TOX3: variants seen among roughly 807,000 people sequenced by gnomAD.
TOX3 encodes the protein TOX high mobility group box family member 3.
TOX3 carries 22 observed loss-of-function variants against 64.3 expected under a neutral mutation model. The ratio of observed to expected loss-of-function variants is 0.34; its 90% CI spans 0.24 to 0.49. TOX3 has a LOEUF of 0.49. Ranked by LOEUF, TOX3 falls within the 20% of genes least tolerant of loss-of-function variation. TOX3 has a pLI of 0.99. For missense variants in TOX3, 661 were observed against 714.4 expected (o/e 0.93, Z 0.85); for synonymous variants, 291 against 273.6 (o/e 1.06, Z -0.63).
At chr16:52,543,996 C>A (rs978986784) in intron 1 of TOX3, among the ~76,000 whole-genome samples, 1 of 152,142 alleles carries the variant, frequency 6.6e-6, no homozygotes, top group Non-Finnish European at 1.5e-5. Context: ...CTTGTTAAGC[C>A]TAGAGCCAAG....
chr16:52,462,501 T>C (rs557392793), intron 3 of TOX3, among the ~76,000 whole-genome samples: 1 of 152,126 alleles, frequency 6.6e-6, no homozygotes, highest in Non-Finnish European at 1.5e-5. Context: ...AGGCAGATTC[T>C]TATATTATTA....
intron 1 of TOX3, among the ~76,000 whole-genome samples, chr16:52,508,456 A>G (rs745413208): frequency 6.6e-6 from 1 of 152,232 alleles, no homozygotes; most frequent in Non-Finnish European, 1.5e-5. Flanking sequence ...AATACTGTAC[A>G]GTGGCAAACC....
chr16:52,532,383 C>G (rs1962870354), intron 1 of TOX3, among the ~76,000 whole-genome samples: 1 of 152,150 alleles, frequency 6.6e-6, no homozygotes. Flanking sequence ...TTCCTGCTGT[C>G]CGAAATACTG....
Position 52,437,718 on chromosome 16 carries a change from T to C in TOX3, c.*1507A>G, listed in dbSNP as rs1424902864. Among the ~76,000 whole-genome samples, 2 of 146,064 alleles carry C rather than the reference T, an allele frequency of 1.4e-5. No homozygotes were observed. The highest frequency in any genetic ancestry group is 7.1e-5 in the Admixed American group (1 of 14,118). On this transcript the variant is annotated 3_prime_UTR_variant, in exon 7 of 7. Coordinates refer to ENST00000219746, the MANE Select transcript of TOX3 (RefSeq NM_001080430.4). Reference sequence around the variant, plus strand: ...TATTTTAATCGCAATAACATTACAATACCCAGCTAGTTCTAGCCCCCTCAA... The same window carrying C: ...TATTTTAATCGCAATAACATTACAACACCCAGCTAGTTCTAGCCCCCTCAA...
At chr16:52,475,122 G>T (rs1485326947) in intron 1 of TOX3, among the ~76,000 whole-genome samples, 1 of 152,044 alleles carries the variant, frequency 6.6e-6, no homozygotes, top group Non-Finnish European at 1.5e-5. Flanking sequence ...TCTTCCCCAA[G>T]TCTACTTTTT....
At chr16:52,498,306 A>G (rs1000864015) in intron 1 of TOX3, among the ~76,000 whole-genome samples, 2 of 151,914 alleles carry the variant, frequency 1.3e-5, no homozygotes, top group African/African-American at 4.8e-5. Context: ...CCGCTTTTCT[A>G]TTATTGCCTA....
At position 52,450,542 on chromosome 16, in the gene TOX3, T is replaced by C; in HGVS notation, c.413A>G (p.Gln138Arg). 1 of 1,613,860 alleles carries C rather than the reference T, an allele frequency of 6.2e-7. No individual in the cohort carries two copies. Among genetic ancestry groups the C allele is most frequent in the Non-Finnish European group, 8.5e-7 (1 of 1,179,732 alleles). ...GTACTGGGACACTTGTGTGTGGCTCTGATCCTAGAAAGGCAGCAACAAAGG... is the reference window on the plus strand; with the variant it reads ...GTACTGGGACACTTGTGTGTGGCTCCGATCCTAGAAAGGCAGCAACAAAGG... ...VLHSSGLHMD[Q>R]SHTQVSQYRQ... Residue 138 changes from glutamine to arginine, a missense_variant, in exon 4 of 7, where the codon CAG becomes CGG. Gln to Arg is a conservative substitution (Grantham distance 43, BLOSUM62 1). Coordinates refer to ENST00000219746, the MANE Select transcript of TOX3 (RefSeq NM_001080430.4).
At chr16:52,526,423 A>G (rs773108067) in intron 1 of TOX3, among the ~76,000 whole-genome samples, 3 of 152,146 alleles carry the variant, frequency 2.0e-5, no homozygotes, top group Non-Finnish European at 4.4e-5. Flanking sequence ...GTGTTCAAGG[A>G]TGGTAGCTCG....
In TOX3 at chr16:52,510,778, A is replaced by AAAAAG. The variant is rs574634087; in HGVS notation, c.87+35858_87+35859insCTTTT. Reference sequence around the variant, plus strand: ...CTGTCTCAAAAAAAAAAAAAAAAAAAAAGAAGAAGAAGAAGAAGAAAAAGA... The same window carrying AAAAAG: ...CTGTCTCAAAAAAAAAAAAAAAAAAAAAAAGAAGAAGAAGAAGAAGAAGAAAAAGA... On this transcript the variant is annotated intron_variant, in intron 1 of 6. Transcript: ENST00000219746. Among the ~76,000 whole-genome samples, 635 of 115,052 alleles carry AAAAAG rather than the reference A, an allele frequency of 5.5e-3. 25 individuals are homozygous for AAAAAG. The highest frequency in any genetic ancestry group is 0.018 in the African/African-American group (515 of 28,524). 75.5% of individuals were successfully genotyped at this position (115,052 alleles called of 152,430 possible). A position where few individuals can be genotyped will look rare whatever the true frequency, so the allele number is the denominator to read the frequency against.
intron 1 of TOX3, among the ~76,000 whole-genome samples, chr16:52,536,841 GTGTC>G (rs1962959597): frequency 6.6e-6 from 1 of 150,742 alleles, no homozygotes; most frequent in Non-Finnish European, 1.5e-5. Context: ...AGTGGTGTGT[GTGTC>G]TGTGTGTGTG....
At chr16:52,485,874 G>A (rs550784534) in intron 1 of TOX3, among the ~76,000 whole-genome samples, 11 of 152,066 alleles carry the variant, frequency 7.2e-5, no homozygotes, top group Non-Finnish European at 1.5e-4. Flanking sequence ...TGAATTGAGA[G>A]GGGTGAGGGA....
chr16:52,479,729 TG>T (rs1555483537), intron 1 of TOX3, among the ~76,000 whole-genome samples: 3 of 152,332 alleles, frequency 2.0e-5, no homozygotes, highest in Non-Finnish European at 2.9e-5. Context: ...AGATATGACA[TG>T]CAAGCTTCTA....
At chr16:52,487,594 C>A (rs1023359325) in intron 1 of TOX3, among the ~76,000 whole-genome samples, 1 of 152,130 alleles carries the variant, frequency 6.6e-6, no homozygotes, top group Admixed American at 6.6e-5. Context: ...GTGACATCTA[C>A]TAAAAGAAAC....
intron 3 of TOX3, among the ~76,000 whole-genome samples, chr16:52,452,900 C>T (rs981407577): frequency 3.3e-5 from 5 of 152,146 alleles, no homozygotes; most frequent in East Asian, 1.9e-4. Flanking sequence ...CTTATATCAC[C>T]GGCAGTGTTC....
At chr16:52,457,098 ACT>A (rs920618319) in intron 3 of TOX3, among the ~76,000 whole-genome samples, 6 of 152,080 alleles carry the variant, frequency 3.9e-5, no homozygotes, top group African/African-American at 1.4e-4. Flanking sequence ...AAATGAGAAA[ACT>A]CTACATATTT....
chr16:52,459,794 T>C (rs1022065759), intron 3 of TOX3, among the ~76,000 whole-genome samples: 2 of 152,192 alleles, frequency 1.3e-5, no homozygotes, highest in African/African-American at 4.8e-5. Context: ...TAATTGAAAG[T>C]CTGCTATTTC....
chr16:52,539,399 GA>G (rs1178405113), intron 1 of TOX3, among the ~76,000 whole-genome samples: 1 of 152,162 alleles, frequency 6.6e-6, no homozygotes, highest in Non-Finnish European at 1.5e-5. Flanking sequence ...TATTAAGAGA[GA>G]AAGGATGTTT....
At chr16:52,450,241 T>C (rs748404916) in intron 4 of TOX3, 36 bp downstream of exon 4, 1 of 1,611,706 alleles carries the variant, frequency 6.2e-7, no homozygotes, top group South Asian at 1.1e-5. Context: ...TCCCATATTC[T>C]CTGGCAGGTT....
intron 1 of TOX3, among the ~76,000 whole-genome samples, chr16:52,490,590 T>C (rs1274431511): frequency 6.6e-6 from 1 of 150,740 alleles, no homozygotes; most frequent in Non-Finnish European, 1.5e-5. Context: ...TATTCTGTAA[T>C]CATTTTCTTC....
Sources: gnomAD v4.1 joint callset for allele counts (sites outside exome capture counted in the v4.1 genomes callset) on GRCh38, gnomAD v4.1.1 for gene constraint, MANE v1.5 for transcripts, NCBI Gene and HGNC (gene_info 2026-07-23, HGNC 2026-07-21) for gene names.